CAMK4: variants seen among roughly 807,000 people sequenced by gnomAD.
CAMK4 encodes the protein calcium/calmodulin dependent protein kinase IV, also known as calcium/calmodulin-dependent protein kinase type IV.
Under a neutral mutation model 44.9 loss-of-function variants are expected in CAMK4, and 22 were observed. The ratio of observed to expected loss-of-function variants is 0.49; its 90% CI spans 0.35 to 0.70. The LOEUF is 0.70. Ranked by LOEUF, CAMK4 falls within the 30% of genes least tolerant of loss-of-function variation. The pLI is 0.01. For missense variants in CAMK4, 498 were observed against 586.8 expected, an observed-to-expected ratio of 0.85 and a Z score of 1.56; for synonymous variants, 218 against 215.4, an observed-to-expected ratio of 1.01 and a Z score of -0.11.
intron 7 of CAMK4, among the ~76,000 whole-genome samples, chr5:111,453,121 T>G (rs1329006613): frequency 6.6e-6 from 1 of 152,152 alleles, no homozygotes; most frequent in Non-Finnish European, 1.5e-5. Context: ...TCATACATAC[T>G]CTTGACCCAA....
rs1033232734 is a variant in CAMK4, at chr5:111,490,793, T to C, written c.*6327T>C. ...TCTCAGTAATATTTTAAAAGTCCTC[T>C]ATAAGCCAAAAGAACGTTGTAACAT... On this transcript the variant is annotated 3_prime_UTR_variant, in exon 11 of 11. Transcript: ENST00000282356. 2 of 152,180 alleles carry C rather than the reference T, an allele frequency of 1.3e-5. No homozygotes were observed. Among genetic ancestry groups the C allele is most frequent in the Admixed American group, 1.3e-4 (2 of 15,280 alleles). The allele number at this position is 152,180 out of a possible 1,614,324, so 9.4% of individuals were successfully genotyped here.
chr5:111,486,547 T>G lies in CAMK4; in HGVS notation c.*2081T>G. ...CACACACACACACACACACACGTGT[T>G]GGAAGAGCAAAGAGAGGGAAGGGGG... On this transcript the variant is annotated 3_prime_UTR_variant, in exon 11 of 11. Coordinates refer to ENST00000282356, the MANE Select transcript of CAMK4 (RefSeq NM_001744.6). 1 of 90,532 alleles carries G rather than the reference T, an allele frequency of 1.1e-5. No individual in the cohort carries two copies. The highest frequency in any genetic ancestry group is 2.5e-5 in the Non-Finnish European group (1 of 39,842). The allele number at this position is 90,532 out of a possible 1,614,324, so 5.6% of individuals were successfully genotyped here.
chr5:111,369,005 C>CA (rs1057331888), intron 2 of CAMK4, among the ~76,000 whole-genome samples: 3 of 150,144 alleles, frequency 2.0e-5, no homozygotes, highest in Non-Finnish European at 4.4e-5. Flanking sequence ...TACTGACTCT[C>CA]AAAGTTTTGG....
At chr5:111,271,346 A>G (rs893429419) in intron 1 of CAMK4, among the ~76,000 whole-genome samples, 6 of 152,226 alleles carry the variant, frequency 3.9e-5, no homozygotes, top group Non-Finnish European at 8.8e-5. Context: ...AAGGATAACA[A>G]TAGTCTCTAC....
chr5:111,308,859 A>T (rs998133378), intron 1 of CAMK4, among the ~76,000 whole-genome samples: 8 of 152,218 alleles, frequency 5.3e-5, no homozygotes, highest in African/African-American at 1.9e-4. Flanking sequence ...AATTACATGT[A>T]TTTAATTATA....
intron 1 of CAMK4, among the ~76,000 whole-genome samples, chr5:111,293,742 CTTT>C (rs35117453): frequency 2.4e-5 from 2 of 83,534 alleles, no homozygotes; most frequent in Non-Finnish European, 2.2e-5. Flanking sequence ...TGCTGCTCTA[CTTT>C]TTTTTTTTTT....
At chr5:111,432,662 GTATATA>G (rs58147378) in intron 5 of CAMK4, among the ~76,000 whole-genome samples, 13 of 142,956 alleles carry the variant, frequency 9.1e-5, no homozygotes, top group African/African-American at 2.6e-4. Context: ...ATATGTGTGT[GTATATA>G]TATATATATA....
At position 111,492,269 on chromosome 5, in the gene CAMK4, A is replaced by T. The variant is rs1184575381; in HGVS notation, c.*7803A>T. ...TTAGTAGAAAGTGCAATATCAATTTATTAGGAGTACCTAAAATTATAACTC... is the reference window on the plus strand; with the variant it reads ...TTAGTAGAAAGTGCAATATCAATTTTTTAGGAGTACCTAAAATTATAACTC... On this transcript the variant is annotated 3_prime_UTR_variant, in exon 11 of 11. Coordinates refer to ENST00000282356, the MANE Select transcript of CAMK4 (RefSeq NM_001744.6). 6.6e-6 allele frequency: 1 copy of T among 152,242 alleles called. No homozygotes were observed. The highest frequency in any genetic ancestry group is 1.5e-5 in the Non-Finnish European group (1 of 68,042). The allele number at this position is 152,242 out of a possible 1,614,324, so 9.4% of individuals were successfully genotyped here.
At chr5:111,477,193 G>C (rs1163761721) in intron 8 of CAMK4, among the ~76,000 whole-genome samples, 1 of 152,196 alleles carries the variant, frequency 6.6e-6, no homozygotes, top group Non-Finnish European at 1.5e-5. Context: ...GCTCAGTAGG[G>C]AAAGGGAGAA....
intron 1 of CAMK4, among the ~76,000 whole-genome samples, chr5:111,316,376 T>A (rs1472417126): frequency 6.6e-6 from 1 of 152,206 alleles, no homozygotes; most frequent in Non-Finnish European, 1.5e-5. Context: ...CCACAGACAT[T>A]TGCCCAGGAG....
chr5:111,299,341 A>G (rs1747623639), intron 1 of CAMK4, among the ~76,000 whole-genome samples: 2 of 152,196 alleles, frequency 1.3e-5, no homozygotes, highest in Non-Finnish European at 2.9e-5. Flanking sequence ...TGCTGTACAT[A>G]ACGGCTTGTG....
At chr5:111,264,993 G>A (rs1363519599) in intron 1 of CAMK4, among the ~76,000 whole-genome samples, 2 of 151,746 alleles carry the variant, frequency 1.3e-5, no homozygotes, top group African/African-American at 2.4e-5. Flanking sequence ...TCCAATATAC[G>A]GTTAGTCCCC....
At chr5:111,457,206 G>T (rs928814556) in intron 7 of CAMK4, among the ~76,000 whole-genome samples, 2 of 152,142 alleles carry the variant, frequency 1.3e-5, no homozygotes, top group African/African-American at 4.8e-5. Context: ...AGGTTAAAAG[G>T]ATAAATTTAA....
intron 2 of CAMK4, chr5:111,365,276 A>G (rs1750750139): frequency 6.6e-6 from 1 of 152,150 alleles, no homozygotes. Flanking sequence ...TAGGTAGTAG[A>G]AATCAGAGAG....
chr5:111,399,029 A>G (rs1317731238), intron 5 of CAMK4, among the ~76,000 whole-genome samples: 1 of 152,172 alleles, frequency 6.6e-6, no homozygotes, highest in African/African-American at 2.4e-5. Context: ...TATTTAAATC[A>G]TACATCAATT....
intron 1 of CAMK4, among the ~76,000 whole-genome samples, chr5:111,280,675 G>A (rs1016158911): frequency 5.3e-5 from 8 of 152,194 alleles, no homozygotes; most frequent in Admixed American, 2.0e-4. Context: ...ACGTGCAGCC[G>A]TGTAAATCTC....
intron 1 of CAMK4, among the ~76,000 whole-genome samples, chr5:111,330,805 C>G (rs1489516384): frequency 1.3e-5 from 2 of 151,548 alleles, no homozygotes; most frequent in African/African-American, 4.8e-5. Context: ...GAATAGAGTC[C>G]TGGCACAGAT....
At chr5:111,283,480 G>A (rs1751107038) in intron 1 of CAMK4, among the ~76,000 whole-genome samples, 1 of 152,200 alleles carries the variant, frequency 6.6e-6, no homozygotes, top group Non-Finnish European at 1.5e-5. Flanking sequence ...TGAATGAGCA[G>A]TTCTTTAAAG....
chr5:111,330,775 C>T lies in CAMK4; in HGVS notation c.162-13249C>T, dbSNP rs558661693. On this transcript the variant is annotated intron_variant, in intron 1 of 10. Coordinates refer to ENST00000282356, the MANE Select transcript of CAMK4 (RefSeq NM_001744.6). ...AACTACAGAAATCAGAGTAGTGAGGCGTTGGCATAACAATAGAGAGAATAG... is the reference window on the plus strand; with the variant it reads ...AACTACAGAAATCAGAGTAGTGAGGTGTTGGCATAACAATAGAGAGAATAG... Among the ~76,000 whole-genome samples, 8 of 151,492 alleles carry T rather than the reference C, an allele frequency of 5.3e-5. No homozygotes were observed. The South Asian group carries it at 8.3e-4, about 16-fold the overall frequency.
Sources: allele counts gnomAD v4.1 joint callset (sites outside exome capture counted in the v4.1 genomes callset), GRCh38; gene constraint gnomAD v4.1.1; transcripts MANE v1.5; gene names NCBI Gene and HGNC (gene_info 2026-07-23, HGNC 2026-07-21).